The following DNAJC1 variants were observed in gnomAD, a reference collection of about 807,000 sequenced individuals.
DNAJC1 encodes DnaJ heat shock protein family (Hsp40) member C1.
A neutral mutation model predicts 76.6 loss-of-function variants in DNAJC1; 58 were observed. That is an observed-to-expected ratio of 0.76 (90% CI 0.61 to 0.94). The LOEUF is 0.94. Ranked by LOEUF, DNAJC1 falls within the 40% of genes least tolerant of loss-of-function variation. DNAJC1 has a pLI of 0.00. For missense variants in DNAJC1, 689 were observed against 677.3 expected, an observed-to-expected ratio of 1.02 and a Z score of -0.19; for synonymous variants, 258 against 267.9, an observed-to-expected ratio of 0.96 and a Z score of 0.36.
intron 8 of DNAJC1, among the ~76,000 whole-genome samples, chr10:21,874,131 G>T (rs1836147382): frequency 6.6e-6 from 1 of 152,156 alleles, no homozygotes; most frequent in Admixed American, 6.6e-5. Context: ...AAAAAGAAAT[G>T]AAGGCCAGGC....
At chr10:21,980,635 T>C (rs958302158) in intron 1 of DNAJC1, among the ~76,000 whole-genome samples, 10 of 152,082 alleles carry the variant, frequency 6.6e-5, no homozygotes, top group Non-Finnish European at 1.3e-4. Flanking sequence ...CTGAATAACA[T>C]CTGTAGATAA....
intron 8 of DNAJC1, among the ~76,000 whole-genome samples, chr10:21,811,860 G>A (rs1374198020): frequency 6.6e-6 from 1 of 152,116 alleles, no homozygotes; most frequent in African/African-American, 2.4e-5. Flanking sequence ...GAAAACGTAC[G>A]TCTAACTTCG....
At chr10:21,944,586 T>C (rs1039802012) in intron 1 of DNAJC1, among the ~76,000 whole-genome samples, 1 of 152,128 alleles carries the variant, frequency 6.6e-6, no homozygotes, top group Non-Finnish European at 1.5e-5. Context: ...GTAAGAGAGA[T>C]TGGATAAGTC....
chr10:21,941,524 G>A (rs2131797104), intron 1 of DNAJC1, among the ~76,000 whole-genome samples: 1 of 152,070 alleles, frequency 6.6e-6, no homozygotes, highest in East Asian at 1.9e-4. Context: ...ATGTCATAAT[G>A]TCTGATATTC....
intron 11 of DNAJC1, 98 bp downstream of exon 11, chr10:21,759,072 G>A (rs1480488264): frequency 5.0e-6 from 6 of 1,202,700 alleles, no homozygotes; most frequent in Admixed American, 2.2e-5. Flanking sequence ...GCAGGTGTCA[G>A]TAGATAGGAA....
At chr10:22,002,858 T>TA (rs555296824) in intron 1 of DNAJC1, among the ~76,000 whole-genome samples, 215 of 137,404 alleles carry the variant, frequency 1.6e-3, no homozygotes, top group African/African-American at 2.8e-3. Flanking sequence ...GGTGTTAAAT[T>TA]AAAAAAAAAA....
intron 1 of DNAJC1, among the ~76,000 whole-genome samples, chr10:21,965,334 A>G (rs1242358783): frequency 6.6e-6 from 1 of 152,206 alleles, no homozygotes; most frequent in Admixed American, 6.5e-5. Context: ...TGAATATAGT[A>G]CAGTTTCCAT....
chr10:21,968,788 G>T (rs1201920906), intron 1 of DNAJC1, among the ~76,000 whole-genome samples: 1 of 152,102 alleles, frequency 6.6e-6, no homozygotes, highest in African/African-American at 2.4e-5. Context: ...GGGATTACAG[G>T]GGTGAGCCAC....
At chr10:21,761,500 A>G (rs1324904359) in intron 10 of DNAJC1, among the ~76,000 whole-genome samples, 3 of 150,288 alleles carry the variant, frequency 2.0e-5, no homozygotes, top group African/African-American at 7.3e-5. Flanking sequence ...CAGAGGTTGC[A>G]GTGTACTGAG....
intron 9 of DNAJC1, among the ~76,000 whole-genome samples, chr10:21,773,993 T>C: frequency 6.7e-6 from 1 of 150,174 alleles, no homozygotes; most frequent in Non-Finnish European, 1.5e-5. Context: ...TACAAAAAAT[T>C]AGCCGGGCGT....
At chr10:21,775,920 G>T (rs919802985) in intron 9 of DNAJC1, among the ~76,000 whole-genome samples, 1 of 152,020 alleles carries the variant, frequency 6.6e-6, no homozygotes, top group Non-Finnish European at 1.5e-5. Flanking sequence ...ATAGTCACAT[G>T]GATTGTAACT....
intron 7 of DNAJC1, among the ~76,000 whole-genome samples, chr10:21,897,030 G>A (rs956276563): frequency 1.3e-5 from 2 of 152,158 alleles, no homozygotes; most frequent in African/African-American, 2.4e-5. Flanking sequence ...GACACCAAAC[G>A]TACTGATGCC....
intron 7 of DNAJC1, among the ~76,000 whole-genome samples, chr10:21,893,270 TAATC>T (rs1244715103): frequency 1.3e-5 from 2 of 152,118 alleles, no homozygotes; most frequent in South Asian, 2.1e-4. Flanking sequence ...TACTTTTAAA[TAATC>T]AATGGATCAA....
intron 8 of DNAJC1, among the ~76,000 whole-genome samples, chr10:21,867,900 T>C (rs1836031957): frequency 6.7e-6 from 1 of 150,190 alleles, no homozygotes; most frequent in African/African-American, 2.5e-5. Context: ...GGTGAAACCC[T>C]GTCTCTACTA....
At chr10:21,780,085 TG>T (rs1834507279) in intron 9 of DNAJC1, among the ~76,000 whole-genome samples, 1 of 152,090 alleles carries the variant, frequency 6.6e-6, no homozygotes, top group Non-Finnish European at 1.5e-5. Flanking sequence ...CCAAGAAATA[TG>T]GGACTATGTG....
chr10:21,950,180 G>A (rs1837568745), intron 1 of DNAJC1, among the ~76,000 whole-genome samples: 1 of 152,034 alleles, frequency 6.6e-6, no homozygotes, highest in African/African-American at 2.4e-5. Context: ...TGGCAATCCT[G>A]AGCCAATCAA....
In DNAJC1 at chr10:21,872,495, T is replaced by C. The variant is rs4619051; in HGVS notation, c.978+9787A>G. ...CAGATTAAGTTATTTAAAGGGCAAA[T>C]AGAAATTCTGGAGTTGAAAAGTGTA... On this transcript the variant is annotated intron_variant, in intron 8 of 11. Coordinates refer to ENST00000376980, the MANE Select transcript of DNAJC1 (RefSeq NM_022365.4). Among the ~76,000 whole-genome samples, 522 of 152,230 alleles carry C rather than the reference T, an allele frequency of 3.4e-3. 27 individuals carry two copies. The South Asian group carries it at 0.082, about 24-fold the overall frequency.
intron 1 of DNAJC1, among the ~76,000 whole-genome samples, chr10:21,969,613 T>C (rs1349126730): frequency 1.3e-5 from 2 of 152,218 alleles, no homozygotes; most frequent in Non-Finnish European, 2.9e-5. Flanking sequence ...ATAAATAATA[T>C]AATCTATGTC....
At position 22,003,497 on chromosome 10, in the gene DNAJC1, G is replaced by A; in HGVS notation, c.-63C>T. The A allele has an allele frequency of 1.5e-6, 2 of 1,303,468 alleles. No homozygotes were observed. The highest frequency in any genetic ancestry group is 4.2e-5 in the Admixed American group (1 of 23,648). The allele number at this position is 1,303,468 out of a possible 1,614,324, so 80.7% of individuals were successfully genotyped here. A position where few individuals can be genotyped will look rare whatever the true frequency, so the allele number is the denominator to read the frequency against. On this transcript the variant is annotated 5_prime_UTR_variant, in exon 1 of 12. Coordinates refer to ENST00000376980, the MANE Select transcript of DNAJC1 (RefSeq NM_022365.4). ...CGTTGGCCGAGAGCTGGGACGTGGC[G>A]GGCGGCGCTGGCTGTGGGGAACAGC...
Sources: gnomAD v4.1 joint callset for allele counts (sites outside exome capture counted in the v4.1 genomes callset) on GRCh38, gnomAD v4.1.1 for gene constraint, MANE v1.5 for transcripts, NCBI Gene and HGNC (gene_info 2026-07-23, HGNC 2026-07-21) for gene names.